The following DGKB variants were observed in gnomAD, a reference collection of about 807,000 sequenced individuals.
The protein encoded by DGKB is 90 kDa diacylglycerol kinase.
DGKB carries 67 observed loss-of-function variants against 114.3 expected under a neutral mutation model. That is an observed-to-expected ratio of 0.59 (90% CI 0.48 to 0.72). DGKB has a LOEUF of 0.72. Among genes scored for constraint, DGKB ranks in the 30% least tolerant of loss-of-function variants. The pLI is 0.00. For synonymous variants in DGKB, 398 were observed against 323.1 expected (o/e 1.23, Z -2.49); for missense variants, 907 against 975.2 (o/e 0.93, Z 0.93).
chr7:14,426,883 C>T (rs1344981896), intron 21 of DGKB, among the ~76,000 whole-genome samples: 1 of 133,586 alleles, frequency 7.5e-6, no homozygotes, highest in Non-Finnish European at 1.6e-5. Context: ...GAGGAAACCC[C>T]ATCTCTACTA....
intron 21 of DGKB, among the ~76,000 whole-genome samples, chr7:14,383,793 A>T (rs901116254): frequency 1.3e-5 from 2 of 152,224 alleles, no homozygotes; most frequent in East Asian, 1.9e-4. Flanking sequence ...AGAGGCTGGA[A>T]GGTGTTGTCT....
chr7:14,712,828 G>C (rs1827593969), intron 6 of DGKB, among the ~76,000 whole-genome samples: 1 of 151,804 alleles, frequency 6.6e-6, no homozygotes, highest in Non-Finnish European at 1.5e-5. Context: ...TATTAATATT[G>C]AATTTTCAAA....
intron 1 of DGKB, among the ~76,000 whole-genome samples, chr7:14,917,792 T>G (rs142840713): frequency 2.1e-4 from 32 of 152,084 alleles, no homozygotes; most frequent in Middle Eastern, 3.4e-3. Context: ...TACCCTCATA[T>G]CTAAATCTGA....
At chr7:14,611,587 C>T (rs528535789) in intron 16 of DGKB, among the ~76,000 whole-genome samples, 132 of 152,150 alleles carry the variant, frequency 8.7e-4, no homozygotes, top group African/African-American at 2.8e-3. Flanking sequence ...CATTTGACTT[C>T]GCGTGGTCCC....
intron 21 of DGKB, among the ~76,000 whole-genome samples, chr7:14,370,006 C>T (rs1324876507): frequency 5.9e-5 from 9 of 152,136 alleles, no homozygotes; most frequent in Admixed American, 2.0e-4. Context: ...GTGTTTTAGT[C>T]GTGAAGGCTT....
chr7:14,641,650 G>C (rs920032024), intron 13 of DGKB, among the ~76,000 whole-genome samples: 6 of 151,974 alleles, frequency 3.9e-5, no homozygotes, highest in Admixed American at 3.9e-4. Context: ...GATTTCATTT[G>C]TGACTTTTAT....
At chr7:14,194,842 C>G (rs187751633) in intron 23 of DGKB, among the ~76,000 whole-genome samples, 2 of 151,584 alleles carry the variant, frequency 1.3e-5, no homozygotes, top group East Asian at 3.9e-4. Flanking sequence ...CTCCTTTAAA[C>G]GAGTCTAAAA....
intron 14 of DGKB, among the ~76,000 whole-genome samples, chr7:14,628,349 TA>T (rs1809032510): frequency 6.8e-6 from 1 of 146,436 alleles, no homozygotes; most frequent in Non-Finnish European, 1.5e-5. Flanking sequence ...GTGGTCAAGT[TA>T]AGTTTAGAGA....
chr7:14,162,263 A>G (rs1476158606), intron 25 of DGKB, among the ~76,000 whole-genome samples: 1 of 152,226 alleles, frequency 6.6e-6, no homozygotes, highest in Non-Finnish European at 1.5e-5. Flanking sequence ...GCTAAAAGCA[A>G]TCAAACCTGT....
chr7:14,359,008 A>G (rs1815162410), intron 21 of DGKB, among the ~76,000 whole-genome samples: 1 of 152,156 alleles, frequency 6.6e-6, no homozygotes, highest in Non-Finnish European at 1.5e-5. Context: ...ATCCTAAGCA[A>G]AAAGAACAAA....
intron 20 of DGKB, 141 bp from the exon 21 acceptor site, chr7:14,478,366 G>A (rs1052587439): frequency 3.9e-6 from 2 of 508,084 alleles, no homozygotes; most frequent in South Asian, 4.3e-5. Context: ...TGTAAAATTA[G>A]GCAAAAATGT....
intron 1 of DGKB, among the ~76,000 whole-genome samples, chr7:14,895,988 G>C (rs1330105229): frequency 2.0e-5 from 3 of 151,704 alleles, no homozygotes; most frequent in African/African-American, 4.8e-5. Context: ...TTTTCTGCGT[G>C]AAGTTTTGTT....
At chr7:14,389,791 T>C (rs932509681) in intron 21 of DGKB, among the ~76,000 whole-genome samples, 2 of 152,198 alleles carry the variant, frequency 1.3e-5, no homozygotes, top group African/African-American at 4.8e-5. Context: ...GGCTATTGTT[T>C]AGCCAGTAGA....
intron 21 of DGKB, among the ~76,000 whole-genome samples, chr7:14,434,696 T>G (rs1487159293): frequency 3.9e-5 from 6 of 152,102 alleles, no homozygotes; most frequent in Admixed American, 3.9e-4. Context: ...TTACTAAATT[T>G]TAATTGATTT....
At chr7:14,871,232 A>G (rs1175937685) in intron 1 of DGKB, among the ~76,000 whole-genome samples, 2 of 152,206 alleles carry the variant, frequency 1.3e-5, no homozygotes, top group African/African-American at 4.8e-5. Flanking sequence ...ATCACCGCAT[A>G]TATGTATCAT....
chr7:14,939,781 T>G (rs56383082), intron 1 of DGKB, among the ~76,000 whole-genome samples: 20,418 of 151,742 alleles, frequency 0.13, 1,462 homozygotes, highest in Admixed American at 0.19. Flanking sequence ...GCCCAGCTAA[T>G]TTTTTGTATT....
At chr7:14,456,304 A>G (rs973253067) in intron 21 of DGKB, among the ~76,000 whole-genome samples, 2 of 152,082 alleles carry the variant, frequency 1.3e-5, no homozygotes, top group African/African-American at 4.8e-5. Context: ...AGCATTTCAC[A>G]TAAGAGCTGC....
intron 1 of DGKB, among the ~76,000 whole-genome samples, chr7:14,922,647 T>C (rs1587387814): frequency 1.3e-5 from 2 of 152,104 alleles, no homozygotes; most frequent in East Asian, 3.9e-4. Context: ...CATCCTAAGT[T>C]GTTAGCTAGG....
In DGKB at chr7:14,278,576, T is replaced by C. The variant is rs139810809; in HGVS notation, c.2122+59939A>G. Among the ~76,000 whole-genome samples, 1,027 of 152,224 alleles carry C rather than the reference T, an allele frequency of 6.7e-3. 14 individuals are homozygous for C. The highest frequency in any genetic ancestry group is 0.024 in the African/African-American group (983 of 41,540). On this transcript the variant is annotated intron_variant, in intron 23 of 25. Transcript: ENST00000402815. ...ATGGGGAAAATGTTCATGACATTGG[T>C]CTGGCAATGATTTTTGGGGATATGA...
Sources: allele counts gnomAD v4.1 joint callset (sites outside exome capture counted in the v4.1 genomes callset), GRCh38; gene constraint gnomAD v4.1.1; transcripts MANE v1.5; gene names NCBI Gene and HGNC (gene_info 2026-07-23, HGNC 2026-07-21).